The following CACNG3 variants were observed in gnomAD, a reference collection of about 807,000 sequenced individuals.
CACNG3 encodes voltage-dependent calcium channel gamma-3 subunit.
CACNG3 carries 3 observed loss-of-function variants against 28.5 expected under a neutral mutation model. That is an observed-to-expected ratio of 0.11 (90% CI 0.05 to 0.27). CACNG3 has a LOEUF of 0.27. Among genes scored for constraint, CACNG3 ranks in the 10% least tolerant of loss-of-function variants. CACNG3 has a pLI of 1.00. For missense variants in CACNG3, 236 were observed against 414.4 expected (o/e 0.57, Z 3.74); for synonymous variants, 174 against 162.2 (o/e 1.07, Z -0.55).
intron 1 of CACNG3, 151 bp downstream of exon 1, chr16:24,257,116 A>G (rs1898469672): frequency 4.8e-6 from 3 of 628,490 alleles, no homozygotes; most frequent in Admixed American, 2.6e-5. Flanking sequence ...TAACAGCAAG[A>G]CTGACGCCAT....
At chr16:24,280,574 G>A (rs1898811780) in intron 1 of CACNG3, among the ~76,000 whole-genome samples, 2 of 152,082 alleles carry the variant, frequency 1.3e-5, no homozygotes. Context: ...CCATCACTTT[G>A]GGAGGCTGAG....
intron 1 of CACNG3, among the ~76,000 whole-genome samples, chr16:24,288,256 A>G (rs764407823): frequency 1.3e-5 from 2 of 152,142 alleles, no homozygotes; most frequent in Admixed American, 6.6e-5. Context: ...CTGTTTATTG[A>G]ACATCTTCTA....
chr16:24,349,394 C>A (rs1225343107), intron 2 of CACNG3, among the ~76,000 whole-genome samples: 1 of 152,174 alleles, frequency 6.6e-6, no homozygotes, highest in Non-Finnish European at 1.5e-5. Context: ...AGCAAAGAAA[C>A]AAAAGAACGG....
At chr16:24,317,949 T>C (rs1449963193) in intron 1 of CACNG3, among the ~76,000 whole-genome samples, 1 of 152,168 alleles carries the variant, frequency 6.6e-6, no homozygotes, top group East Asian at 1.9e-4. Context: ...CCAGATGCTC[T>C]CCCGCTCATC....
At chr16:24,316,501 G>A (rs527508651) in intron 1 of CACNG3, among the ~76,000 whole-genome samples, 1 of 152,256 alleles carries the variant, frequency 6.6e-6, no homozygotes, top group African/African-American at 2.4e-5. Context: ...GGAAGGACAT[G>A]GCCTGCTTTT....
chr16:24,299,406 C>G (rs896191427), intron 1 of CACNG3, among the ~76,000 whole-genome samples: 5 of 152,178 alleles, frequency 3.3e-5, no homozygotes, highest in African/African-American at 9.7e-5. Flanking sequence ...TCCTTGCTTT[C>G]CAGCACCTCA....
At chr16:24,336,421 G>A (rs187572410) in intron 1 of CACNG3, among the ~76,000 whole-genome samples, 81 of 151,710 alleles carry the variant, frequency 5.3e-4, no homozygotes, top group African/African-American at 1.8e-3. Context: ...ATAGGCGCCC[G>A]CCACTACACC....
At chr16:24,264,900 A>G (rs565355992) in intron 1 of CACNG3, among the ~76,000 whole-genome samples, 2 of 152,348 alleles carry the variant, frequency 1.3e-5, no homozygotes, top group South Asian at 4.1e-4. Flanking sequence ...AGACACATCA[A>G]TAAACATAAA....
intron 1 of CACNG3, among the ~76,000 whole-genome samples, chr16:24,317,616 AAGAAAGAAAGAC>A (rs1310720088): frequency 3.5e-4 from 24 of 68,908 alleles, no homozygotes; most frequent in South Asian, 9.7e-4. Context: ...GAAAGAAAGA[AAGAAAGAAAGAC>A]AGACAGAAAG....
intron 1 of CACNG3, among the ~76,000 whole-genome samples, chr16:24,325,358 TA>T (rs933666465): frequency 5.9e-5 from 9 of 152,134 alleles, no homozygotes; most frequent in African/African-American, 2.2e-4. Context: ...GAACAAGGGT[TA>T]GGGGGACGTC....
chr16:24,327,023 A>C (rs1467162445), intron 1 of CACNG3, among the ~76,000 whole-genome samples: 1 of 143,626 alleles, frequency 7.0e-6, no homozygotes, highest in Non-Finnish European at 1.5e-5. Flanking sequence ...GGTGATGGGG[A>C]TGAAGGAGGT....
Position 24,358,536 on chromosome 16 carries a change from C to G in CACNG3, c.437-2816C>G, listed in dbSNP as rs146171970. Among the ~76,000 whole-genome samples, 493 of 152,288 alleles carry G rather than the reference C, an allele frequency of 3.2e-3. 1 individual carries two copies. The highest frequency in any genetic ancestry group is 6.0e-3 in the Non-Finnish European group (407 of 68,020). The stretch of plus-strand genomic sequence containing the variant: ...TTCTCATATCAACTCCACTTATTCA[C>G]CCATTCAACAAATATGCACTGCCCT... On this transcript the variant is annotated intron_variant, in intron 3 of 3. Transcript: ENST00000005284.
At chr16:24,289,155 C>T (rs1393481784) in intron 1 of CACNG3, among the ~76,000 whole-genome samples, 1 of 152,072 alleles carries the variant, frequency 6.6e-6, no homozygotes, top group South Asian at 2.1e-4. Context: ...CCCAAACGAC[C>T]CAGGGCTCTG....
Position 24,256,726 on chromosome 16 carries a change from C to G in CACNG3, c.-29C>G. 1 of 1,518,720 alleles carries G rather than the reference C, an allele frequency of 6.6e-7. No homozygotes were observed. Among genetic ancestry groups the G allele is most frequent in the South Asian group, 1.1e-5 (1 of 89,212 alleles). 94.1% of individuals were successfully genotyped at this position (1,518,720 alleles called of 1,614,324 possible). On this transcript the variant is annotated 5_prime_UTR_variant, in exon 1 of 4. Transcript: ENST00000005284. The surrounding 1 kb of genome is among the most constrained non-coding windows in gnomAD (Gnocchi z 4.6). ...CGGCACTGACTCTCCCCCTCCAACC[C>G]CCAGCCGTCCAGAGTACCATGAAGA...
chr16:24,272,074 G>A (rs553379408), intron 1 of CACNG3, among the ~76,000 whole-genome samples: 3 of 151,300 alleles, frequency 2.0e-5, no homozygotes, highest in South Asian at 4.2e-4. Context: ...AAGACACATT[G>A]AGTGATTATA....
At chr16:24,358,016 A>G (rs1900057208) in intron 3 of CACNG3, among the ~76,000 whole-genome samples, 1 of 152,196 alleles carries the variant, frequency 6.6e-6, no homozygotes, top group Non-Finnish European at 1.5e-5. Context: ...AGACCCTTCC[A>G]CTGATCTCCC....
intron 1 of CACNG3, among the ~76,000 whole-genome samples, chr16:24,342,606 A>G (rs554548215): frequency 2.0e-5 from 3 of 151,816 alleles, no homozygotes; most frequent in Non-Finnish European, 4.4e-5. Context: ...CAAATACTGA[A>G]CTCTGTTATA....
intron 1 of CACNG3, among the ~76,000 whole-genome samples, chr16:24,272,364 T>A (rs1389204385): frequency 6.6e-6 from 1 of 152,084 alleles, no homozygotes; most frequent in Non-Finnish European, 1.5e-5. Context: ...AAATAGCCAA[T>A]AAATCTCTCT....
intron 1 of CACNG3, among the ~76,000 whole-genome samples, chr16:24,260,084 C>A (rs150876436): frequency 1.6e-3 from 247 of 152,210 alleles, no homozygotes; most frequent in African/African-American, 5.8e-3. Flanking sequence ...AGGATGTTTC[C>A]AGTTTTCATT....
Sources: gnomAD v4.1 joint callset for allele counts (sites outside exome capture counted in the v4.1 genomes callset) on GRCh38, gnomAD v4.1.1 for gene constraint, Gnocchi (gnomAD v3.1) non-coding constraint, MANE v1.5 for transcripts, NCBI Gene and HGNC (gene_info 2026-07-23, HGNC 2026-07-21) for gene names.